THSD7A: variants seen among roughly 807,000 people sequenced by gnomAD.
THSD7A encodes thrombospondin type 1 domain containing 7A, also known as thrombospondin type-1 domain-containing protein 7A.
Under a neutral mutation model 231.3 loss-of-function variants are expected in THSD7A, and 96 were observed. The observed-to-expected ratio is 0.41, with a 90% CI of 0.35 to 0.49. The LOEUF (loss-of-function observed/expected upper bound fraction) is 0.49. Among genes scored for constraint, THSD7A ranks in the 20% least tolerant of loss-of-function variants. The pLI, the probability that THSD7A is intolerant of heterozygous loss-of-function variation, is 0.05. For synonymous variants in THSD7A, 940 were observed against 743.3 expected, an observed-to-expected ratio of 1.26 and a Z score of -4.30; for missense variants, 2,290 against 2,070.2, an observed-to-expected ratio of 1.11 and a Z score of -2.06.
chr7:11,418,977 A>G (rs1784051088), intron 16 of THSD7A, among the ~76,000 whole-genome samples: 1 of 152,208 alleles, frequency 6.6e-6, no homozygotes, highest in African/African-American at 2.4e-5. Context: ...TACCTTCAAT[A>G]TCATTAAAAA....
chr7:11,530,789 T>C (rs1411168552), intron 6 of THSD7A, among the ~76,000 whole-genome samples: 1 of 152,132 alleles, frequency 6.6e-6, no homozygotes, highest in Non-Finnish European at 1.5e-5. Context: ...GGTGGGCAGA[T>C]CACTTGAGGT....
intron 23 of THSD7A, among the ~76,000 whole-genome samples, chr7:11,394,688 T>A (rs925971615): frequency 6.6e-6 from 1 of 152,184 alleles, no homozygotes; most frequent in African/African-American, 2.4e-5. Context: ...TGCTCCAGGC[T>A]TTTGGAATCA....
At chr7:11,466,781 T>G (rs1785724167) in intron 9 of THSD7A, among the ~76,000 whole-genome samples, 1 of 152,028 alleles carries the variant, frequency 6.6e-6, no homozygotes, top group African/African-American at 2.4e-5. Context: ...GTTGGCATTT[T>G]TGCACTCTCT....
At position 11,593,494 on chromosome 7, in the gene THSD7A, T is replaced by C; in HGVS notation, c.1031A>G (p.Gln344Arg). The change falls in exon 3 of 28, where the codon CAG (glutamine) becomes CGG (arginine). Residue 344 changes from glutamine to arginine, a missense_variant. Transcript: ENST00000423059. ...GAAGGTCATTGGAAGCTTCTCTTGCTGGCAAAAGCTGTAAAAGAGCATTGA... is the reference window on the plus strand; with the variant it reads ...GAAGGTCATTGGAAGCTTCTCTTGCCGGCAAAAGCTGTAAAAGAGCATTGA... ...TGKAADLSFCQQEKLPMTFQS... is the reference protein window; with the variant it reads ...TGKAADLSFCRQEKLPMTFQS... The C allele has an allele frequency of 6.2e-7, 1 of 1,613,822 alleles. No individual in the cohort carries two copies. Among genetic ancestry groups the C allele is most frequent in the Non-Finnish European group, 8.5e-7 (1 of 1,179,732 alleles).
intron 2 of THSD7A, among the ~76,000 whole-genome samples, chr7:11,612,672 A>C (rs1780974456): frequency 6.6e-6 from 1 of 152,188 alleles, no homozygotes; most frequent in African/African-American, 2.4e-5. Context: ...GTATTACCAG[A>C]TCATCTTCCA....
At chr7:11,679,980 A>G (rs1475074919) in intron 1 of THSD7A, among the ~76,000 whole-genome samples, 2 of 152,066 alleles carry the variant, frequency 1.3e-5, no homozygotes, top group African/African-American at 2.4e-5. Flanking sequence ...ACAGCATGGT[A>G]CTGGTACCAA....
intron 1 of THSD7A, among the ~76,000 whole-genome samples, chr7:11,719,933 CT>C (rs1381019447): frequency 6.6e-6 from 1 of 151,062 alleles, no homozygotes; most frequent in Non-Finnish European, 1.5e-5. Context: ...TTAACTATAA[CT>C]CTGTATTATC....
At chr7:11,825,672 A>T (rs1362747427) in intron 1 of THSD7A, among the ~76,000 whole-genome samples, 1 of 152,146 alleles carries the variant, frequency 6.6e-6, no homozygotes, top group Non-Finnish European at 1.5e-5. Context: ...AACCTCAGAA[A>T]ACCCCTATAG....
chr7:11,450,439 AC>A (rs1785108241), intron 11 of THSD7A, among the ~76,000 whole-genome samples: 2 of 152,040 alleles, frequency 1.3e-5, no homozygotes, highest in African/African-American at 4.8e-5. Flanking sequence ...TGTTATCCAA[AC>A]AAGCAGCAAC....
intron 1 of THSD7A, among the ~76,000 whole-genome samples, chr7:11,746,592 C>G (rs1262800744): frequency 6.6e-6 from 1 of 151,820 alleles, no homozygotes; most frequent in Admixed American, 6.6e-5. Flanking sequence ...CATGATTAAC[C>G]TGTGGTTACT....
At chr7:11,583,358 T>C (rs1348027070) in intron 4 of THSD7A, among the ~76,000 whole-genome samples, 1 of 152,036 alleles carries the variant, frequency 6.6e-6, no homozygotes, top group Non-Finnish European at 1.5e-5. Flanking sequence ...CTAACTGCAA[T>C]CTCCACCTCC....
At chr7:11,404,125 C>G (rs1383932254) in intron 22 of THSD7A, among the ~76,000 whole-genome samples, 1 of 152,124 alleles carries the variant, frequency 6.6e-6, no homozygotes, top group African/African-American at 2.4e-5. Context: ...TCATTTACCA[C>G]AGGTTATAAT....
At chr7:11,742,920 T>C (rs952995947) in intron 1 of THSD7A, among the ~76,000 whole-genome samples, 1 of 151,946 alleles carries the variant, frequency 6.6e-6, no homozygotes, top group Non-Finnish European at 1.5e-5. Context: ...ACTGCTACTT[T>C]CTAATATAAT....
chr7:11,397,503 A>C (rs1474654910), intron 23 of THSD7A, among the ~76,000 whole-genome samples: 2 of 152,242 alleles, frequency 1.3e-5, no homozygotes, highest in Non-Finnish European at 2.9e-5. Context: ...AGGCATGGGC[A>C]AAGACTTCAT....
At chr7:11,676,454 T>C (rs1281471484) in intron 1 of THSD7A, among the ~76,000 whole-genome samples, 1 of 152,072 alleles carries the variant, frequency 6.6e-6, no homozygotes, top group Non-Finnish European at 1.5e-5. Context: ...GAAGGTGTGT[T>C]ATAACAAACT....
At chr7:11,726,307 A>G (rs906273925) in intron 1 of THSD7A, among the ~76,000 whole-genome samples, 3 of 144,562 alleles carry the variant, frequency 2.1e-5, no homozygotes, top group Non-Finnish European at 4.6e-5. Flanking sequence ...TGACAATGAC[A>G]ATCCATCACG....
intron 1 of THSD7A, among the ~76,000 whole-genome samples, chr7:11,803,068 T>C (rs1410973557): frequency 1.3e-5 from 2 of 151,924 alleles, no homozygotes; most frequent in Non-Finnish European, 2.9e-5. Flanking sequence ...AATAAGATAA[T>C]TTGGTAGGGA....
At chr7:11,701,564 T>A (rs906442827) in intron 1 of THSD7A, among the ~76,000 whole-genome samples, 2 of 151,116 alleles carry the variant, frequency 1.3e-5, no homozygotes, top group African/African-American at 4.8e-5. Context: ...CTGATCGTTA[T>A]GCAAAAACTG....
intron 2 of THSD7A, among the ~76,000 whole-genome samples, chr7:11,617,831 C>T (rs1781160222): frequency 6.6e-6 from 1 of 152,034 alleles, no homozygotes; most frequent in Non-Finnish European, 1.5e-5. Flanking sequence ...ACACTGGGGC[C>T]TGTCGTGGGG....
Sources: gnomAD v4.1 joint callset for allele counts (sites outside exome capture counted in the v4.1 genomes callset) on GRCh38, gnomAD v4.1.1 for gene constraint, MANE v1.5 for transcripts, NCBI Gene and HGNC (gene_info 2026-07-23, HGNC 2026-07-21) for gene names.